The following MTUS2 variants were observed in gnomAD, a reference collection of about 807,000 sequenced individuals.
The protein encoded by MTUS2 is microtubule-associated tumor suppressor candidate 2.
In MTUS2, 40 loss-of-function variants were observed where a neutral mutation model predicts 114.1. The observed-to-expected ratio is 0.35, with a 90% confidence interval of 0.27 to 0.46. The LOEUF (loss-of-function observed/expected upper bound fraction) is 0.46, where lower values mean the gene tolerates loss of function less well. Ranked by LOEUF, MTUS2 falls within the 20% of genes least tolerant of loss-of-function variation. MTUS2 has a pLI of 1.00. For synonymous variants in MTUS2, 688 were observed against 672.0 expected, an observed-to-expected ratio of 1.02 and a Z score of -0.37; for missense variants, 1,679 against 1,705.4, an observed-to-expected ratio of 0.98 and a Z score of 0.27.
intron 9 of MTUS2, among the ~76,000 whole-genome samples, chr13:29,478,650 G>C (rs569144361): frequency 1.1e-4 from 16 of 151,986 alleles, no homozygotes; most frequent in Non-Finnish European, 2.1e-4. Flanking sequence ...TTTGTTTTTC[G>C]CTTGTAAATT....
At chr13:29,193,820 A>G (rs1428345530) in intron 5 of MTUS2, among the ~76,000 whole-genome samples, 2 of 152,186 alleles carry the variant, frequency 1.3e-5, no homozygotes, top group African/African-American at 2.4e-5. Context: ...AGCTGGAGGC[A>G]TCACACTACC....
At chr13:29,461,483 T>G (rs182767345) in intron 9 of MTUS2, among the ~76,000 whole-genome samples, 41 of 152,332 alleles carry the variant, frequency 2.7e-4, no homozygotes, top group African/African-American at 8.7e-4. Context: ...CAAAGATACA[T>G]ACAAATACCT....
chr13:28,980,080 TA>T (rs1884289972), intron 2 of MTUS2, among the ~76,000 whole-genome samples: 1 of 152,144 alleles, frequency 6.6e-6, no homozygotes, highest in Admixed American at 6.6e-5. Flanking sequence ...AAGGAATAAT[TA>T]GATGATGAAT....
At chr13:28,948,067 A>G (rs1882626560) in intron 2 of MTUS2, among the ~76,000 whole-genome samples, 2 of 152,232 alleles carry the variant, frequency 1.3e-5, no homozygotes, top group Non-Finnish European at 2.9e-5. Flanking sequence ...GATCATTTTC[A>G]GAGCTAGCAT....
intron 2 of MTUS2, among the ~76,000 whole-genome samples, chr13:28,969,669 T>C (rs1007847665): frequency 6.6e-6 from 1 of 151,588 alleles, no homozygotes; most frequent in African/African-American, 2.4e-5. Context: ...CACGCCCAGC[T>C]AATTTTTGTA....
chr13:29,306,727 G>T (rs1593284279), intron 6 of MTUS2: 1 of 280,868 alleles, frequency 3.6e-6, no homozygotes, highest in South Asian at 3.2e-5. Context: ...TCTCCTGTTC[G>T]ACAGACAGCC....
At chr13:28,872,954 T>C (rs983524510) in intron 2 of MTUS2, among the ~76,000 whole-genome samples, 2 of 152,134 alleles carry the variant, frequency 1.3e-5, no homozygotes, top group Non-Finnish European at 2.9e-5. Context: ...AAATACACAA[T>C]TCCTTCAACA....
intron 5 of MTUS2, among the ~76,000 whole-genome samples, chr13:29,255,724 G>T (rs937953640): frequency 2.0e-5 from 3 of 152,028 alleles, no homozygotes; most frequent in African/African-American, 4.8e-5. Flanking sequence ...GGGGGAGGGG[G>T]TGACTGAAAG....
chr13:29,026,856 C>T lies in MTUS2; in HGVS notation c.2158C>T (p.Pro720Ser). 1.9e-6 allele frequency: 3 copies of T among 1,603,830 alleles called. No homozygotes were observed. Among genetic ancestry groups the T allele is most frequent in the Non-Finnish European group, 8.5e-7 (1 of 1,179,270 alleles). ...CGGATTGATGGTGTCTGGAATCAAG[C>T]CCCCGGGACATCCTTTCAGTCAAAT... ...SSGLMVSGIK[P>S]PGHPFSQMSE... is the part of the protein sequence containing the mutation. Residue 720 changes from proline to serine, a missense_variant, in exon 3 of 16, where the codon CCC becomes TCC. Pro to Ser is a moderately conservative substitution (Grantham distance 74). Around this residue, in one of 3 missense-constraint regions of MTUS2, gnomAD observed 822 missense variants for 899.7 expected, o/e 0.91. Transcript: ENST00000612955.
At chr13:29,435,420 A>G (rs544150836) in intron 8 of MTUS2, among the ~76,000 whole-genome samples, 1 of 152,268 alleles carries the variant, frequency 6.6e-6, no homozygotes, top group East Asian at 1.9e-4. Flanking sequence ...GGAGGCCTTG[A>G]TCATATTTCA....
chr13:29,500,766 C>G (rs1456009154), intron 14 of MTUS2, among the ~76,000 whole-genome samples: 4 of 150,748 alleles, frequency 2.7e-5, no homozygotes, highest in African/African-American at 9.8e-5. Flanking sequence ...AGGACATTCA[C>G]TATAAGAAAT....
intron 4 of MTUS2, among the ~76,000 whole-genome samples, chr13:29,093,485 A>T (rs917508793): frequency 6.6e-6 from 1 of 152,162 alleles, no homozygotes. Context: ...ATCGTTTATG[A>T]TAATTCCTAA....
intron 4 of MTUS2, among the ~76,000 whole-genome samples, chr13:29,093,530 ATTG>A (rs1396630236): frequency 9.9e-5 from 15 of 152,196 alleles, no homozygotes; most frequent in African/African-American, 3.4e-4. Flanking sequence ...GTAAATACAA[ATTG>A]TTATCTTAAT....
rs1900396399 is a variant in MTUS2, at chr13:29,324,494, A to C, written c.2807-119A>C. The stretch of plus-strand genomic sequence containing the variant: ...GGTGACCATAGCAACAAATCACCCA[A>C]ATATTTCTTTTGTTGATATGTTTGA... On this transcript the variant is annotated intron_variant, in intron 6 of 15. Coordinates refer to ENST00000612955, the MANE Select transcript of MTUS2 (RefSeq NM_001033602.4). The C allele has an allele frequency of 5.8e-6, 4 of 686,506 alleles. No homozygotes were observed. The East Asian group carries it at 1.1e-4, about 19-fold the overall frequency. 42.5% of individuals were successfully genotyped at this position (686,506 alleles called of 1,614,324 possible). A position where few individuals can be genotyped will look rare whatever the true frequency, so the allele number is the denominator to read the frequency against.
intron 5 of MTUS2, among the ~76,000 whole-genome samples, chr13:29,230,139 G>A (rs1229848859): frequency 4.6e-5 from 7 of 152,110 alleles, no homozygotes; most frequent in East Asian, 1.9e-4. Context: ...CCAGCTACTC[G>A]GGAGGCTGAG....
At chr13:29,250,852 C>T (rs1897100008) in intron 5 of MTUS2, among the ~76,000 whole-genome samples, 1 of 152,060 alleles carries the variant, frequency 6.6e-6, no homozygotes, top group Admixed American at 6.5e-5. Context: ...CACCAACCCG[C>T]AAAAAACAAT....
At chr13:29,004,427 T>C (rs1040342935) in intron 2 of MTUS2, among the ~76,000 whole-genome samples, 3 of 152,196 alleles carry the variant, frequency 2.0e-5, no homozygotes, top group African/African-American at 7.2e-5. Flanking sequence ...AGTCATGAAA[T>C]GCTTATTTAT....
At chr13:29,314,185 C>T (rs955876896) in intron 6 of MTUS2, among the ~76,000 whole-genome samples, 3 of 152,066 alleles carry the variant, frequency 2.0e-5, no homozygotes, top group African/African-American at 7.2e-5. Flanking sequence ...CTAGAAATGA[C>T]CAGTCTAGAA....
At chr13:29,479,027 G>A (rs1032040269) in intron 9 of MTUS2, among the ~76,000 whole-genome samples, 18 of 152,172 alleles carry the variant, frequency 1.2e-4, no homozygotes, top group African/African-American at 3.6e-4. Flanking sequence ...CCTCTATAGC[G>A]TGGGACTTCT....
Sources: gnomAD v4.1 joint callset for allele counts (sites outside exome capture counted in the v4.1 genomes callset) on GRCh38, gnomAD v4.1.1 for gene constraint, gnomAD v4.1.1 regional missense constraint, MANE v1.5 for transcripts, NCBI Gene and HGNC (gene_info 2026-07-23, HGNC 2026-07-21) for gene names.